The following FANCI variants were observed in gnomAD, a reference collection of about 807,000 sequenced individuals.
FANCI encodes Fanconi anemia group I protein.
A neutral mutation model predicts 176.1 loss-of-function variants in FANCI; 156 were observed. That is an observed-to-expected ratio of 0.89 (90% CI 0.78 to 1.01). The LOEUF (loss-of-function observed/expected upper bound fraction) is 1.01. Among genes scored for constraint, FANCI ranks in the 50% least tolerant of loss-of-function variants. The pLI is 0.00. For synonymous variants in FANCI, 613 were observed against 541.7 expected, an observed-to-expected ratio of 1.13 and a Z score of -1.83; for missense variants, 1,678 against 1,534.1, an observed-to-expected ratio of 1.09 and a Z score of -1.57.
At chr15:89,310,625 CT>C (rs1319091736) in intron 34 of FANCI, among the ~76,000 whole-genome samples, 1 of 152,246 alleles carries the variant, frequency 6.6e-6, no homozygotes, top group African/African-American at 2.4e-5. Context: ...TGAGTGCCCC[CT>C]GGGCAAGAGC....
intron 17 of FANCI, among the ~76,000 whole-genome samples, chr15:89,284,688 C>T (rs1042875049): frequency 6.6e-6 from 1 of 152,146 alleles, no homozygotes; most frequent in Non-Finnish European, 1.5e-5. Context: ...CATTTCTAAA[C>T]AAAAGACTGT....
intron 26 of FANCI, 138 bp from the exon 27 acceptor site, chr15:89,301,188 C>T (rs2054512793): frequency 4.0e-6 from 3 of 742,782 alleles, no homozygotes; most frequent in Non-Finnish European, 7.4e-6. Flanking sequence ...GGTGTATTTT[C>T]AGATTTTATC....
chr15:89,276,017 G>T (rs2053397975), intron 12 of FANCI, among the ~76,000 whole-genome samples: 1 of 152,172 alleles, frequency 6.6e-6, no homozygotes, highest in Admixed American at 6.5e-5. Flanking sequence ...CTCTGTTAAA[G>T]TCTTATAATT....
At chr15:89,308,607 T>C (rs1203663890) in intron 34 of FANCI, among the ~76,000 whole-genome samples, 1 of 152,218 alleles carries the variant, frequency 6.6e-6, no homozygotes, top group Non-Finnish European at 1.5e-5. Context: ...ATCAGTAACT[T>C]GCCTCATTAT....
At chr15:89,283,289 C>T in intron 17 of FANCI, 39 bp downstream of exon 17, 1 of 1,612,784 alleles carries the variant, frequency 6.2e-7, no homozygotes, top group East Asian at 2.2e-5. Context: ...GTGTGCGTAT[C>T]ATTCATGTGC....
intron 2 of FANCI, among the ~76,000 whole-genome samples, chr15:89,253,049 C>T (rs2052331453): frequency 1.3e-5 from 2 of 152,090 alleles, no homozygotes; most frequent in Admixed American, 1.3e-4. Flanking sequence ...CTAAACACCA[C>T]AAAAACTTTT....
intron 24 of FANCI, among the ~76,000 whole-genome samples, chr15:89,296,652 C>T (rs909068829): frequency 1.3e-5 from 2 of 152,264 alleles, no homozygotes; most frequent in Admixed American, 6.5e-5. Flanking sequence ...CCTTTCCCCC[C>T]TTTCTATTCC....
At position 89,312,903 on chromosome 15, in the gene FANCI, G is replaced by T. The variant is rs2055026560; in HGVS notation, c.3652-1G>T. 6.2e-7 allele frequency: 1 copy of T among 1,612,034 alleles called. No homozygotes were observed. The highest frequency in any genetic ancestry group is 8.5e-7 in the Non-Finnish European group (1 of 1,178,636). On this transcript the variant is annotated splice_acceptor_variant, in intron 34 of 37. Transcript: ENST00000310775. LOFTEE classifies it high-confidence loss of function. ...AAGAGAATGTGTTTCTATTTCTTTA[G>T]AATAAGAGTAAGAGCCTGAACTATA...
In FANCI at chr15:89,290,267, A is replaced by T; in HGVS notation, c.1876A>T (p.Thr626Ser). 3.7e-6 allele frequency: 6 copies of T among 1,613,458 alleles called. No individual in the cohort carries two copies. The highest frequency in any genetic ancestry group is 5.1e-6 in the Non-Finnish European group (6 of 1,179,404). The change falls in exon 19 of 38, where the codon ACT becomes TCT. Residue 626 changes from threonine (T) to serine (S), a missense_variant. Physicochemically the swap from Thr to Ser is moderately conservative, Grantham distance 58 (BLOSUM62 1). This residue lies in a region of FANCI where 1,204 missense variants were observed against 1,077.4 expected (regional missense o/e 1.12). Coordinates refer to ENST00000310775, the MANE Select transcript of FANCI (RefSeq NM_001113378.2). The part of the protein sequence containing the change: ...NSQLANSVMQ[T>S]LLSQLKQFYE... ...TCAGCTGGCTAATTCAGTCATGCAAACTCTGCTCTCACAGGTAAAATACAT... is the reference window on the plus strand; with the variant it reads ...TCAGCTGGCTAATTCAGTCATGCAATCTCTGCTCTCACAGGTAAAATACAT...
chr15:89,277,671 A>G (rs919199342), intron 13 of FANCI, among the ~76,000 whole-genome samples: 21 of 152,182 alleles, frequency 1.4e-4, no homozygotes, highest in African/African-American at 4.6e-4. Flanking sequence ...GAAGAAACCA[A>G]AATGGGAAAT....
intron 9 of FANCI, 48 bp downstream of exon 9, chr15:89,264,655 T>C: frequency 6.6e-7 from 1 of 1,520,330 alleles, no homozygotes; most frequent in South Asian, 1.1e-5. Context: ...AAATTCATCT[T>C]CTCATTGTGT....
chr15:89,316,660 T>C lies in FANCI; in HGVS notation c.*201T>C. On this transcript the variant is annotated 3_prime_UTR_variant, in exon 38 of 38. Transcript: ENST00000310775. ...AATGGCTGGCCTTAGGCAAGCCCTTTTGCAAAAAGCACAGCTGAAAGCCTG... is the reference window on the plus strand; with the variant it reads ...AATGGCTGGCCTTAGGCAAGCCCTTCTGCAAAAAGCACAGCTGAAAGCCTG... The C allele has an allele frequency of 4.0e-6, 5 of 1,254,088 alleles. No individual in the cohort carries two copies. The highest frequency in any genetic ancestry group is 5.8e-6 in the Non-Finnish European group (5 of 855,468). The allele number at this position is 1,254,088 out of a possible 1,614,324, so 77.7% of individuals were successfully genotyped here. A position where few individuals can be genotyped will look rare whatever the true frequency, so the allele number is the denominator to read the frequency against.
At chr15:89,244,708 G>A (rs907468036) in intron 1 of FANCI, among the ~76,000 whole-genome samples, 2 of 152,166 alleles carry the variant, frequency 1.3e-5, no homozygotes, top group African/African-American at 4.8e-5. Flanking sequence ...TTGGAGTCCG[G>A]AGCTGGACAG....
At position 89,316,696 on chromosome 15, in the gene FANCI, C is replaced by T. The variant is rs2055276854; in HGVS notation, c.*237C>T. Reference sequence around the variant, plus strand: ...ACAGCTGAAAGCCTGAGTTTGGGAGCCTGCACCACCCCGATGAAGCTCCAC... The same window carrying T: ...ACAGCTGAAAGCCTGAGTTTGGGAGTCTGCACCACCCCGATGAAGCTCCAC... On this transcript the variant is annotated 3_prime_UTR_variant, in exon 38 of 38. Transcript: ENST00000310775. 1.4e-6 allele frequency: 2 copies of T among 1,422,100 alleles called. No individual in the cohort carries two copies. The highest frequency in any genetic ancestry group is 1.4e-5 in the African/African-American group (1 of 70,328). The allele number at this position is 1,422,100 out of a possible 1,614,324, so 88.1% of individuals were successfully genotyped here. A position where few individuals can be genotyped will look rare whatever the true frequency, so the allele number is the denominator to read the frequency against.
At chr15:89,312,362 C>G (rs1291901086) in intron 34 of FANCI, among the ~76,000 whole-genome samples, 1 of 152,220 alleles carries the variant, frequency 6.6e-6, no homozygotes, top group Non-Finnish European at 1.5e-5. Context: ...CATGTGCCAG[C>G]TCTAAGAACA....
intron 10 of FANCI, among the ~76,000 whole-genome samples, chr15:89,270,810 A>G (rs1003691400): frequency 6.6e-6 from 1 of 152,098 alleles, no homozygotes; most frequent in Non-Finnish European, 1.5e-5. Flanking sequence ...TTAGTCTTTG[A>G]GCTTGTGGCA....
chr15:89,253,951 A>C (rs989700410), intron 2 of FANCI, among the ~76,000 whole-genome samples: 7 of 152,210 alleles, frequency 4.6e-5, no homozygotes, highest in African/African-American at 1.4e-4. Context: ...CCTTGGCCTC[A>C]CAAAGTGCTG....
intron 9 of FANCI, among the ~76,000 whole-genome samples, chr15:89,264,876 G>A (rs772933392): frequency 6.6e-6 from 1 of 152,196 alleles, no homozygotes; most frequent in Non-Finnish European, 1.5e-5. Flanking sequence ...GAACTGTTTA[G>A]CCTTGGGGCT....
rs17803620 is a variant in FANCI at position 89,260,812 on chromosome 15, C to T, written c.257C>T (p.Ala86Val). 589,036 of 1,612,532 alleles carry T rather than the reference C, an allele frequency of 0.37. 112,025 individuals are homozygous for T. Among genetic ancestry groups the T allele is most frequent in the South Asian group, 0.38 (34,901 of 91,032 alleles). ...TCGGGGGATTTGCAGAAAGAAATAG[C>T]GTCTGAGATCATAGGATTACTGATG... ...VESGDLQKEI[A>V]SEIIGLLMLE... Residue 86 changes from alanine to valine, a missense_variant, in exon 4 of 38, where the codon GCG (alanine) becomes GTG (valine). By Grantham distance (64) the Ala-to-Val change is moderately conservative (BLOSUM62 0). Transcript: ENST00000310775.
Sources: gnomAD v4.1 joint callset for allele counts (sites outside exome capture counted in the v4.1 genomes callset) on GRCh38, gnomAD v4.1.1 for gene constraint, gnomAD v4.1.1 regional missense constraint, MANE v1.5 for transcripts, NCBI Gene and HGNC (gene_info 2026-07-23, HGNC 2026-07-21) for gene names.